The following CNTLN variants were observed in gnomAD, a reference collection of about 807,000 sequenced individuals.
CNTLN encodes the protein centlein.
In CNTLN, 212 loss-of-function variants were observed where a neutral mutation model predicts 180.0. The observed-to-expected ratio is 1.18, with a 90% confidence interval of 1.05 to 1.32. The LOEUF is 1.32. Among genes scored for constraint, CNTLN ranks in the 40% most tolerant of loss-of-function variants. The pLI is 0.00. For missense variants in CNTLN, 2,095 were observed against 1,610.9 expected (o/e 1.30, Z -5.14); for synonymous variants, 722 against 563.1 (o/e 1.28, Z -3.99).
intron 2 of CNTLN, among the ~76,000 whole-genome samples, chr9:17,154,742 C>G (rs1006217056): frequency 6.6e-6 from 1 of 152,160 alleles, no homozygotes; most frequent in African/African-American, 2.4e-5. Flanking sequence ...AAAAACGGAC[C>G]AGTCAGCACT....
intron 2 of CNTLN, among the ~76,000 whole-genome samples, chr9:17,157,745 A>G (rs1478728892): frequency 6.6e-6 from 1 of 152,338 alleles, no homozygotes; most frequent in East Asian, 1.9e-4. Flanking sequence ...CCAGACATGT[A>G]TGTCATATTT....
intron 2 of CNTLN, among the ~76,000 whole-genome samples, chr9:17,155,547 C>G (rs1819217814): frequency 6.6e-6 from 1 of 152,212 alleles, no homozygotes; most frequent in Admixed American, 6.5e-5. Context: ...TTCCCAGCAG[C>G]TTTGTTTACA....
intron 20 of CNTLN, 142 bp from the exon 21 acceptor site, chr9:17,464,355 C>A: frequency 1.6e-6 from 1 of 615,926 alleles, no homozygotes; most frequent in South Asian, 2.3e-5. Flanking sequence ...TTATGCAGTG[C>A]AATTCATTTT....
At chr9:17,385,248 A>G (rs938118585) in intron 13 of CNTLN, among the ~76,000 whole-genome samples, 10 of 152,160 alleles carry the variant, frequency 6.6e-5, no homozygotes, top group Non-Finnish European at 1.0e-4. Context: ...AATTTCTCCA[A>G]ACTCCACAGA....
chr9:17,147,374 G>T (rs184407149), intron 2 of CNTLN, among the ~76,000 whole-genome samples: 3 of 152,248 alleles, frequency 2.0e-5, no homozygotes, highest in African/African-American at 7.2e-5. Context: ...TGAGTGGGAG[G>T]CTCAGCTTTT....
chr9:17,231,070 T>C lies in CNTLN; in HGVS notation c.535-4588T>C, dbSNP rs150891684. On this transcript the variant is annotated intron_variant, in intron 3 of 25. Coordinates refer to ENST00000380647, the MANE Select transcript of CNTLN (RefSeq NM_017738.4). ...GGTTTGCTGGATAGTCTCAATTCTC[T>C]GATGGATCTGAAAAGAGTTGTTGAT... 5.7e-3 allele frequency among the ~76,000 whole-genome samples: 862 copies of C among 152,262 alleles called. 9 individuals carry two copies. Among genetic ancestry groups the C allele is most frequent in the African/African-American group, 0.02 (827 of 41,562 alleles).
intron 7 of CNTLN, chr9:17,299,468 G>T (rs1056045107): frequency 1.4e-5 from 14 of 981,274 alleles, no homozygotes; most frequent in Non-Finnish European, 1.7e-5. Context: ...AAAAATCACT[G>T]TGAAAATCGA....
In CNTLN at chr9:17,329,631, A is replaced by G. The variant is rs552845883; in HGVS notation, c.1342-1001A>G. On this transcript the variant is annotated intron_variant, in intron 8 of 25. Coordinates refer to ENST00000380647, the MANE Select transcript of CNTLN (RefSeq NM_017738.4). ...CTCATTATACAAATTGCAGGTTAGA[A>G]TTAGGAAAATTTTGCGTATCCTCTC... 4.6e-5 allele frequency among the ~76,000 whole-genome samples: 7 copies of G among 152,076 alleles called. No homozygotes were observed. The South Asian group carries it at 1.2e-3, about 27-fold the overall frequency.
chr9:17,210,729 T>C (rs1823242352), intron 2 of CNTLN, among the ~76,000 whole-genome samples: 1 of 152,216 alleles, frequency 6.6e-6, no homozygotes, highest in South Asian at 2.1e-4. Context: ...GTTTCCTGAC[T>C]TTTTAATGAT....
intron 14 of CNTLN, among the ~76,000 whole-genome samples, chr9:17,393,097 C>T (rs182170777): frequency 1.2e-3 from 185 of 152,226 alleles, no homozygotes; most frequent in African/African-American, 4.3e-3. Context: ...TGTGAGGACT[C>T]TCTTTCTGTT....
intron 23 of CNTLN, among the ~76,000 whole-genome samples, chr9:17,469,160 C>A (rs1158284949): frequency 6.6e-6 from 1 of 151,732 alleles, no homozygotes; most frequent in Non-Finnish European, 1.5e-5. Flanking sequence ...CTGCATTTTA[C>A]AAGTTAACGA....
At chr9:17,388,987 A>C (rs997862020) in intron 14 of CNTLN, among the ~76,000 whole-genome samples, 2 of 151,970 alleles carry the variant, frequency 1.3e-5, no homozygotes, top group African/African-American at 4.8e-5. Flanking sequence ...TGTGATTGTC[A>C]TTTGGCTACA....
At chr9:17,144,817 A>G (rs549811869) in intron 2 of CNTLN, among the ~76,000 whole-genome samples, 32 of 148,750 alleles carry the variant, frequency 2.2e-4, no homozygotes, top group African/African-American at 6.4e-4. Context: ...TTATTTATTT[A>G]TTTTATTTTA....
At chr9:17,427,775 G>A (rs1829183471) in intron 18 of CNTLN, among the ~76,000 whole-genome samples, 1 of 152,094 alleles carries the variant, frequency 6.6e-6, no homozygotes, top group Non-Finnish European at 1.5e-5. Context: ...TCTCAACGGT[G>A]GATTATCACA....
intron 2 of CNTLN, chr9:17,168,195 G>A (rs1403932627): frequency 6.6e-6 from 1 of 152,146 alleles, no homozygotes; most frequent in Non-Finnish European, 1.5e-5. Context: ...GTGTTGGTTA[G>A]CAGATAGCAA....
intron 2 of CNTLN, among the ~76,000 whole-genome samples, chr9:17,220,170 T>C (rs1363557515): frequency 1.3e-5 from 2 of 152,102 alleles, no homozygotes; most frequent in African/African-American, 4.8e-5. Flanking sequence ...GCTCGTGCTC[T>C]GGCAACCTAA....
intron 6 of CNTLN, among the ~76,000 whole-genome samples, chr9:17,293,069 C>T (rs951301621): frequency 1.3e-5 from 2 of 152,218 alleles, no homozygotes; most frequent in Non-Finnish European, 2.9e-5. Flanking sequence ...AGACCCTATT[C>T]ACTTGGGTCC....
intron 18 of CNTLN, among the ~76,000 whole-genome samples, chr9:17,432,866 A>G (rs192439808): frequency 1.6e-3 from 244 of 152,030 alleles, no homozygotes; most frequent in African/African-American, 5.1e-3. Context: ...CTAAAAATAC[A>G]AACAATTAGC....
intron 8 of CNTLN, among the ~76,000 whole-genome samples, chr9:17,326,600 T>G (rs1396765210): frequency 6.6e-6 from 1 of 152,154 alleles, no homozygotes; most frequent in African/African-American, 2.4e-5. Flanking sequence ...ACAGTATGGC[T>G]GGGGAGAAAA....
Sources: gnomAD v4.1 joint callset for allele counts (sites outside exome capture counted in the v4.1 genomes callset) on GRCh38, gnomAD v4.1.1 for gene constraint, MANE v1.5 for transcripts, NCBI Gene and HGNC (gene_info 2026-07-23, HGNC 2026-07-21) for gene names.